Variants in QRICH2 observed in about 807,000 individuals in gnomAD.
The protein encoded by QRICH2 is glutamine-rich protein 2.
A neutral mutation model predicts 168.3 loss-of-function variants in QRICH2; 119 were observed. That is an observed-to-expected ratio of 0.71 (90% confidence interval 0.61 to 0.82). QRICH2 has a LOEUF of 0.82. Among genes scored for constraint, QRICH2 ranks in the 40% least tolerant of loss-of-function variants. QRICH2 has a pLI of 0.00. For synonymous variants in QRICH2, 894 were observed against 951.2 expected, an observed-to-expected ratio of 0.94 and a Z score of 1.11; for missense variants, 2,241 against 2,491.6, an observed-to-expected ratio of 0.90 and a Z score of 2.14.
intron 3 of QRICH2, among the ~76,000 whole-genome samples, chr17:76,303,627 T>C (rs1196107295): frequency 6.6e-6 from 1 of 150,530 alleles, no homozygotes; most frequent in Non-Finnish European, 1.5e-5. Context: ...TCCCAGCACT[T>C]TGGGAGGCCG....
At position 76,280,393 on chromosome 17, in the gene QRICH2, G is replaced by A. The variant is rs1181099904; in HGVS notation, c.4520C>T (p.Thr1507Met). The change falls in exon 11 of 19, where the codon ACG becomes ATG. Residue 1507 changes from threonine to methionine, a missense_variant. Thr to Met is a moderately conservative substitution (Grantham distance 81). Transcript: ENST00000680821. The surrounding 1 kb of genome is among the most constrained non-coding windows in gnomAD (Gnocchi z 7.4). Reference sequence around the variant, plus strand: ...CTGCATCATGTGGTTCAGCTGCTCCGTGGTGGCATCAAACTGGACACGGCT... The same window carrying A: ...CTGCATCATGTGGTTCAGCTGCTCCATGGTGGCATCAAACTGGACACGGCT... The part of the protein sequence containing the change: ...KVSRVQFDAT[T>M]EQLNHMMQEL... 1.1e-5 allele frequency: 18 copies of A among 1,614,050 alleles called. No homozygotes were observed. The highest frequency in any genetic ancestry group is 7.7e-5 in the South Asian group (7 of 91,088).
chr17:76,310,340 T>C (rs1023907729), upstream of QRICH2: 1 of 151,600 alleles, frequency 6.6e-6, no homozygotes, highest in Non-Finnish European at 1.5e-5. Context: ...AGGCTAATTT[T>C]TGTATTTTTA....
chr17:76,291,457 G>A lies in QRICH2; in HGVS notation c.3270C>T (p.Tyr1090=), dbSNP rs1391422337. The change falls in exon 4 of 19, where the codon TAC becomes TAT. Residue 1090 remains tyrosine, a synonymous_variant. Transcript: ENST00000680821. ...CATGGCCATGCTGAGCTGCATCTGG[G>A]TATACCTGGTCATGCTCACCTGGGC... is the stretch of plus-strand genomic sequence containing the variant. ...SPGPGEHDQV[Y]PDAAQHGHAF... The A allele has an allele frequency of 3.7e-6, 6 of 1,613,986 alleles. No homozygotes were observed. The highest frequency in any genetic ancestry group is 5.1e-6 in the Non-Finnish European group (6 of 1,180,024).
intron 3 of QRICH2, among the ~76,000 whole-genome samples, chr17:76,298,392 G>T (rs879608714): frequency 6.1e-5 from 9 of 147,904 alleles, no homozygotes; most frequent in Non-Finnish European, 1.2e-4. Flanking sequence ...TGTTAGCCAG[G>T]ATGGTCTTGA....
intron 3 of QRICH2, among the ~76,000 whole-genome samples, chr17:76,303,345 G>A (rs1179168118): frequency 6.6e-6 from 1 of 152,086 alleles, no homozygotes; most frequent in Non-Finnish European, 1.5e-5. Flanking sequence ...CCCTGCTTCC[G>A]TCTACATTTT....
At chr17:76,287,997 A>C in intron 5 of QRICH2, 100 bp from the exon 6 acceptor site, 1 of 883,182 alleles carries the variant, frequency 1.1e-6, no homozygotes. Flanking sequence ...CGTTCCCTCT[A>C]CTAACCCAAC....
chr17:76,284,167 C>CAAAAAAAAAAAAA (rs2070838961), intron 7 of QRICH2, among the ~76,000 whole-genome samples: 1 of 62,172 alleles, frequency 1.6e-5, no homozygotes, highest in Non-Finnish European at 2.5e-5. Context: ...AACTCTGTCT[C>CAAAAAAAAAAAAA]CAAAAAAAAA....
intron 13 of QRICH2, 52 bp downstream of exon 13, chr17:76,279,311 G>A: frequency 1.3e-6 from 2 of 1,488,676 alleles, no homozygotes; most frequent in Non-Finnish European, 1.9e-6. Context: ...GGTGAAGGGA[G>A]GAGACGCAGC....
rs1356171987 is a variant in QRICH2, at chr17:76,293,451, C to T, written c.1276G>A (p.Glu426Lys). The T allele has an allele frequency of 6.2e-7, 1 of 1,614,220 alleles. No homozygotes were observed. The highest frequency in any genetic ancestry group is 1.7e-5 in the Admixed American group (1 of 60,020). ...GGTATCAATTCCCGATCATCCATTT[C>T]AGGTGGTGGCACACCAAGCTGACCC... ...SMGQLGVPPP[E>K]MDDRELIPFV... Residue 426 changes from glutamate to lysine, a missense_variant, in exon 4 of 19, where the codon GAA becomes AAA. Coordinates refer to ENST00000680821, the MANE Select transcript of QRICH2 (RefSeq NM_001388453.1).
At chr17:76,277,637 TATAC>T (rs1452308410) in intron 15 of QRICH2, among the ~76,000 whole-genome samples, 1 of 151,144 alleles carries the variant, frequency 6.6e-6, no homozygotes, top group African/African-American at 2.4e-5. Flanking sequence ...CACACGAACA[TATAC>T]ATACATACTC....
chr17:76,281,808 C>T lies in QRICH2; in HGVS notation c.4263+56G>A. On this transcript the variant is annotated intron_variant, in intron 8 of 18. Transcript: ENST00000680821. The surrounding 1 kb of genome is among the most constrained non-coding windows in gnomAD (Gnocchi z 4.4). ...TTCTGTGGGTCTGCAGCAGGGTGGCCCTCCTCTGTGGGGCCATGTCCAGTT... is the reference window on the plus strand; with the variant it reads ...TTCTGTGGGTCTGCAGCAGGGTGGCTCTCCTCTGTGGGGCCATGTCCAGTT... The T allele has an allele frequency of 1.3e-6, 2 of 1,590,494 alleles. No individual in the cohort carries two copies. The highest frequency in any genetic ancestry group is 1.7e-6 in the Non-Finnish European group (2 of 1,163,972).
Position 76,291,953 on chromosome 17 carries a change from T to A in QRICH2, c.2774A>T (p.Gln925Leu). Reference protein sequence around the residue: ...GIGQQGMVQPQADPHGLVQPG... With the variant: ...GIGQQGMVQPLADPHGLVQPG... ...TTGTACCAGGCCATGTGGATCTGCC[T>A]GAGGTTGCACCATACCTTGCTGACC... Residue 925 changes from glutamine (Q) to leucine (L), a missense_variant, in exon 4 of 19, where the codon CAG (glutamine) becomes CTG (leucine). Gln to Leu is a moderately radical substitution (Grantham distance 113). Coordinates refer to ENST00000680821, the MANE Select transcript of QRICH2 (RefSeq NM_001388453.1). 6.2e-7 allele frequency: 1 copy of A among 1,614,056 alleles called. No homozygotes were observed. The highest frequency in any genetic ancestry group is 8.5e-7 in the Non-Finnish European group (1 of 1,180,024).
rs1479587964 is a variant in QRICH2, at chr17:76,289,974, G to A, written c.3798+18C>T. 6.4e-7 allele frequency: 1 copy of A among 1,556,808 alleles called. No individual in the cohort carries two copies. The highest frequency in any genetic ancestry group is 1.4e-5 in the African/African-American group (1 of 72,362). The stretch of plus-strand genomic sequence containing the variant: ...CTCAAAAAAAAAAAAAAGACAAAGT[G>A]GGTTGACTCTTCCTTACTTTTGCTT... On this transcript the variant is annotated intron_variant, in intron 5 of 18. Coordinates refer to ENST00000680821, the MANE Select transcript of QRICH2 (RefSeq NM_001388453.1).
At position 76,291,164 on chromosome 17, in the gene QRICH2, G is replaced by C; in HGVS notation, c.3563C>G (p.Ser1188Cys). ...TGTCTCCACTGCCGTGGGGAAACTA[G>C]AACTCATTCTACGCAGTGAATTGCG... ...ERRNSLRRMS[S>C]SFPTAVETFH... is the part of the protein sequence containing the mutation. Residue 1188 changes from serine to cysteine, a missense_variant, in exon 4 of 19, where the codon TCT (serine) becomes TGT (cysteine). Physicochemically the swap from Ser to Cys is moderately radical, Grantham distance 112. Around this residue, in one of 3 missense-constraint regions of QRICH2, gnomAD observed 2,047 missense variants for 2,303.8 expected, o/e 0.89. Coordinates refer to ENST00000680821, the MANE Select transcript of QRICH2 (RefSeq NM_001388453.1). The C allele has an allele frequency of 1.2e-6, 2 of 1,614,168 alleles. No individual in the cohort carries two copies. Among genetic ancestry groups the C allele is most frequent in the Non-Finnish European group, 8.5e-7 (1 of 1,180,036 alleles).
At chr17:76,298,922 G>A (rs2070851129) in intron 3 of QRICH2, among the ~76,000 whole-genome samples, 1 of 152,064 alleles carries the variant, frequency 6.6e-6, no homozygotes, top group Non-Finnish European at 1.5e-5. Flanking sequence ...GGCCCTGAGT[G>A]TAGTTTTTAT....
chr17:76,293,113 A>G lies in QRICH2; in HGVS notation c.1614T>C (p.Pro538=). Residue 538 remains proline (P), a synonymous_variant, in exon 4 of 19, where the codon CCT becomes CCC. Transcript: ENST00000680821. ...PFTDQHGLVS[P]GLMPISADQQ... is the part of the protein sequence containing the mutation. The stretch of plus-strand genomic sequence containing the variant: ...GATCTGCACTAATTGGCATCAAACC[A>G]GGTGATACCAAACCATGCTGGTCTG... 6.2e-7 allele frequency: 1 copy of G among 1,614,258 alleles called. No individual in the cohort carries two copies. The highest frequency in any genetic ancestry group is 8.5e-7 in the Non-Finnish European group (1 of 1,180,034).
Position 76,277,037 on chromosome 17 carries a change from G to A in QRICH2, c.5265+126C>T, listed in dbSNP as rs927548011. The A allele has an allele frequency of 1.1e-5, 11 of 1,037,240 alleles. No individual in the cohort carries two copies. The South Asian group carries it at 1.5e-4, about 14-fold the overall frequency. The allele number at this position is 1,037,240 out of a possible 1,614,324, so 64.3% of individuals were successfully genotyped here. On this transcript the variant is annotated intron_variant, in intron 16 of 18. Coordinates refer to ENST00000680821, the MANE Select transcript of QRICH2 (RefSeq NM_001388453.1). ...GGGTAAGAACCTGAGGCTTTGACTGGGTCTGATTAAGGAATTGCCTCAAGG... is the reference window on the plus strand; with the variant it reads ...GGGTAAGAACCTGAGGCTTTGACTGAGTCTGATTAAGGAATTGCCTCAAGG...
Position 76,274,095 on chromosome 17 carries a change from G to C in QRICH2, c.5648C>G (p.Ser1883Cys), listed in dbSNP as rs761537385. 5.1e-6 allele frequency: 8 copies of C among 1,579,558 alleles called. No individual in the cohort carries two copies. Among genetic ancestry groups the C allele is most frequent in the Non-Finnish European group, 6.8e-6 (8 of 1,167,930 alleles). Reference protein sequence around the residue: ...GLEEPTRGPRSSTAQ With the variant: ...GLEEPTRGPRCSTAQ ...CACCTCCGCTCACTGAGCGGTGCTG[G>C]ACCGCGGCCCCCGCGTGGGCTCCTC... Residue 1883 changes from serine (S) to cysteine (C), a missense_variant, in exon 19 of 19, where the codon TCC (serine) becomes TGC (cysteine). Around this residue, in one of 3 missense-constraint regions of QRICH2, gnomAD observed 189 missense variants for 169.3 expected, o/e 1.12. Coordinates refer to ENST00000680821, the MANE Select transcript of QRICH2 (RefSeq NM_001388453.1).
At chr17:76,276,013 G>C (rs1307645630) in intron 17 of QRICH2, 66 bp from the exon 18 acceptor site, 1 of 1,575,092 alleles carries the variant, frequency 6.3e-7, no homozygotes, top group Non-Finnish European at 8.6e-7. Flanking sequence ...GGAACCCCTG[G>C]GGGTGGGGAG....
Sources: allele counts gnomAD v4.1 joint callset (sites outside exome capture counted in the v4.1 genomes callset), GRCh38; gene constraint gnomAD v4.1.1; regional missense constraint gnomAD v4.1.1; non-coding constraint Gnocchi (gnomAD v3.1); transcripts MANE v1.5; gene names NCBI Gene and HGNC (gene_info 2026-07-23, HGNC 2026-07-21).